The following ADH4 variants were observed in gnomAD, a reference collection of about 807,000 sequenced individuals.
ADH4 encodes alcohol dehydrogenase 4 (class II), pi polypeptide, also known as all-trans-retinol dehydrogenase [NAD(+)] ADH4.
In ADH4, 31 loss-of-function variants were observed where a neutral mutation model predicts 35.2. That is an observed-to-expected ratio of 0.88 (90% confidence interval 0.66 to 1.19). The LOEUF (loss-of-function observed/expected upper bound fraction) is 1.19, where lower values mean the gene tolerates loss of function less well. Ranked by LOEUF, ADH4 falls within the 50% of genes most tolerant of loss-of-function variation. The pLI is 0.00. For missense variants in ADH4, 476 were observed against 458.3 expected, an observed-to-expected ratio of 1.04 and a Z score of -0.35; for synonymous variants, 171 against 160.2, an observed-to-expected ratio of 1.07 and a Z score of -0.51.
intron 5 of ADH4, chr4:99,133,822 C>T (rs955975965): frequency 3.9e-5 from 6 of 152,066 alleles, no homozygotes; most frequent in Non-Finnish European, 5.9e-5. Context: ...TTAATACATT[C>T]TAAATTGGAA....
chr4:99,131,205 T>C (rs1015019756), intron 6 of ADH4, among the ~76,000 whole-genome samples: 4 of 152,138 alleles, frequency 2.6e-5, no homozygotes, highest in Admixed American at 2.0e-4. Flanking sequence ...ATATTGAGCT[T>C]TTTAAAGGGA....
chr4:99,136,504 A>T lies in ADH4; in HGVS notation c.544T>A (p.Phe182Ile). ...ATTGCAGCCCCATAGCCAGTTGAAA[A>T]CCCACATCCAAGCAGACAAACTCTC... ...LERVCLLGCG[F>I]STGYGAAINN... Residue 182 changes from phenylalanine (F) to isoleucine (I), a missense_variant, in exon 5 of 9, where the codon TTT becomes ATT. Physicochemically the swap from Phe to Ile is conservative, Grantham distance 21 (BLOSUM62 0). Coordinates refer to ENST00000265512, the MANE Select transcript of ADH4 (RefSeq NM_000670.5). The T allele has an allele frequency of 6.2e-7, 1 of 1,614,056 alleles. No individual in the cohort carries two copies. Among genetic ancestry groups the T allele is most frequent in the East Asian group, 2.2e-5 (1 of 44,866 alleles).
chr4:99,142,515 T>G (rs2110506452), intron 2 of ADH4, among the ~76,000 whole-genome samples, 164 bp downstream of exon 2: 1 of 152,338 alleles, frequency 6.6e-6, no homozygotes, highest in Non-Finnish European at 1.5e-5. Flanking sequence ...GATGATTTAT[T>G]CCTTTTTGGG....
At chr4:99,135,387 C>T (rs1729404259) in intron 5 of ADH4, among the ~76,000 whole-genome samples, 1 of 152,092 alleles carries the variant, frequency 6.6e-6, no homozygotes, top group Admixed American at 6.5e-5. Context: ...AATGATCATG[C>T]CACTGCATTT....
In ADH4 at chr4:99,124,322, A is replaced by G. The variant is rs1421628199; in HGVS notation, c.*120T>C. ...ATATTTAAAGCTCTTTTATGTTCCC[A>G]TATTAAATGTAAATATTTGTTTAAA... On this transcript the variant is annotated 3_prime_UTR_variant, in exon 9 of 9. Transcript: ENST00000265512. 2 of 689,902 alleles carry G rather than the reference A, an allele frequency of 2.9e-6. No individual in the cohort carries two copies. Among genetic ancestry groups the G allele is most frequent in the Non-Finnish European group, 5.0e-6 (2 of 400,812 alleles). 42.7% of individuals were successfully genotyped at this position (689,902 alleles called of 1,614,324 possible).
intron 5 of ADH4, among the ~76,000 whole-genome samples, chr4:99,135,316 C>CT (rs1351317949): frequency 6.6e-6 from 1 of 152,078 alleles, no homozygotes. Flanking sequence ...GTAATCCCAG[C>CT]TACTTGGAGG....
intron 8 of ADH4, 67 bp from the exon 9 acceptor site, chr4:99,124,533 A>C (rs1045652034): frequency 1.9e-6 from 2 of 1,065,298 alleles, no homozygotes; most frequent in African/African-American, 3.3e-5. Context: ...GCTCACAAAT[A>C]AGTTTTGCCT....
intron 6 of ADH4, among the ~76,000 whole-genome samples, chr4:99,128,859 G>T (rs770761083): frequency 2.6e-5 from 4 of 151,890 alleles, no homozygotes; most frequent in Non-Finnish European, 4.4e-5. Flanking sequence ...CAGTGGAGTG[G>T]CGTGATCATA....
rs753586132 is a variant in ADH4, at chr4:99,142,753, A to G, written c.46T>C (p.Trp16Arg). Residue 16 changes from tryptophan to arginine, a missense_variant, in exon 2 of 9, where the codon TGG (tryptophan) becomes CGG (arginine). Trp to Arg is a moderately radical substitution (Grantham distance 101, BLOSUM62 -3). Transcript: ENST00000265512. ...KVIKCKAAIAWEAGKPLCIEE... is the reference protein window; with the variant it reads ...KVIKCKAAIAREAGKPLCIEE... ...ATGCAAAGGGGCTTGCCTGCTTCCC[A>G]GGCGATGGCTGCTTTGCATTTAATA... The G allele has an allele frequency of 6.2e-7, 1 of 1,604,242 alleles. No individual in the cohort carries two copies. The highest frequency in any genetic ancestry group is 8.5e-7 in the Non-Finnish European group (1 of 1,176,336).
rs1729733668 is a variant in ADH4, at chr4:99,144,289, G to A, written c.-67C>T. Reference sequence around the variant, plus strand: ...AGAAAGCTTCAAACTCCTACCCAGGGAGTTCCGTGTCCTATAATGAGCTGT... The same window carrying A: ...AGAAAGCTTCAAACTCCTACCCAGGAAGTTCCGTGTCCTATAATGAGCTGT... On this transcript the variant is annotated 5_prime_UTR_variant, in exon 1 of 9. Coordinates refer to ENST00000265512, the MANE Select transcript of ADH4 (RefSeq NM_000670.5). The A allele has an allele frequency of 1.4e-6, 2 of 1,479,444 alleles. No individual in the cohort carries two copies. Among genetic ancestry groups the A allele is most frequent in the African/African-American group, 1.4e-5 (1 of 72,170 alleles). 91.6% of individuals were successfully genotyped at this position (1,479,444 alleles called of 1,614,324 possible).
At chr4:99,141,983 A>G (rs41275695) in intron 2 of ADH4, among the ~76,000 whole-genome samples, 165 of 152,322 alleles carry the variant, frequency 1.1e-3, no homozygotes, top group Non-Finnish European at 2.0e-3. Flanking sequence ...ATTGAAATGA[A>G]GTTGAGGTAA....
intron 4 of ADH4, among the ~76,000 whole-genome samples, chr4:99,138,042 C>G (rs1327391683): frequency 6.6e-6 from 1 of 152,154 alleles, no homozygotes; most frequent in Non-Finnish European, 1.5e-5. Context: ...ACATATTTCT[C>G]TATCCCTGCA....
chr4:99,144,273 C>G lies in ADH4; in HGVS notation c.-51G>C. The G allele has an allele frequency of 6.3e-7, 1 of 1,576,576 alleles. No homozygotes were observed. Among genetic ancestry groups the G allele is most frequent in the Non-Finnish European group, 8.7e-7 (1 of 1,146,004 alleles). On this transcript the variant is annotated 5_prime_UTR_variant, in exon 1 of 9. Coordinates refer to ENST00000265512, the MANE Select transcript of ADH4 (RefSeq NM_000670.5). Reference sequence around the variant, plus strand: ...GTTTCTTTCTGAGTTAAGAAAGCTTCAAACTCCTACCCAGGGAGTTCCGTG... The same window carrying G: ...GTTTCTTTCTGAGTTAAGAAAGCTTGAAACTCCTACCCAGGGAGTTCCGTG...
At chr4:99,138,067 A>T (rs1290420434) in intron 4 of ADH4, among the ~76,000 whole-genome samples, 1 of 152,130 alleles carries the variant, frequency 6.6e-6, no homozygotes, top group Non-Finnish European at 1.5e-5. Flanking sequence ...CTCATAAATT[A>T]GTATTTTTGA....
At chr4:99,127,848 A>ACTG (rs1729148332) in intron 6 of ADH4, among the ~76,000 whole-genome samples, 1 of 151,360 alleles carries the variant, frequency 6.6e-6, no homozygotes, top group Non-Finnish European at 1.5e-5. Flanking sequence ...AAAAAAAATT[A>ACTG]TTAGTAAAAT....
chr4:99,141,769 T>C, intron 2 of ADH4, 87 bp from the exon 3 acceptor site: 4 of 1,301,208 alleles, frequency 3.1e-6, no homozygotes, highest in Non-Finnish European at 4.2e-6. Context: ...TTGATATCAT[T>C]TTAAAACTTT....
At chr4:99,127,096 A>G (rs1729119839) in intron 7 of ADH4, 113 bp downstream of exon 7, 1 of 778,312 alleles carries the variant, frequency 1.3e-6, no homozygotes, top group African/African-American at 1.8e-5. Flanking sequence ...GATATGCTCT[A>G]GGGATTCAAT....
At chr4:99,142,936 ATTATT>A in intron 1 of ADH4, 156 bp from the exon 2 acceptor site, 1 of 613,108 alleles carries the variant, frequency 1.6e-6, no homozygotes, top group Non-Finnish European at 2.9e-6. Context: ...TCTTATAGAT[ATTATT>A]TTAAAGACAA....
At position 99,127,235 on chromosome 4, in the gene ADH4, C is replaced by T. The variant is rs29001219; in HGVS notation, c.953G>A (p.Arg318His). The change falls in exon 7 of 9, where the codon CGT (arginine) becomes CAT (histidine). Residue 318 changes from arginine (R) to histidine (H), a missense_variant. Transcript: ENST00000265512. Reference protein sequence around the residue: ...TIFPEELIIGRTINGTFFGGW... With the variant: ...TIFPEELIIGHTINGTFFGGW... Reference sequence around the variant, plus strand: ...ACCAAAGAATGTTCCATTTATAGTACGGCCGATTATTAGCTCCTCTGGAAA... The same window carrying T: ...ACCAAAGAATGTTCCATTTATAGTATGGCCGATTATTAGCTCCTCTGGAAA... 132 of 1,609,408 alleles carry T rather than the reference C, an allele frequency of 8.2e-5. No individual in the cohort carries two copies. The African/African-American group carries it at 8.3e-4, about 10-fold the overall frequency.
Sources: allele counts gnomAD v4.1 joint callset (sites outside exome capture counted in the v4.1 genomes callset), GRCh38; gene constraint gnomAD v4.1.1; transcripts MANE v1.5; gene names NCBI Gene and HGNC (gene_info 2026-07-23, HGNC 2026-07-21).